SCLT1: variants seen among roughly 807,000 people sequenced by gnomAD.
SCLT1 encodes sodium channel-associated protein 1.
SCLT1 carries 78 observed loss-of-function variants against 112.8 expected under a neutral mutation model. The observed-to-expected ratio is 0.69, with a 90% CI of 0.58 to 0.83. The LOEUF is 0.83. Among genes scored for constraint, SCLT1 ranks in the 40% least tolerant of loss-of-function variants. The probability of loss-of-function intolerance (pLI) is 0.00; values close to 1 mark genes in which losing one functional copy is unlikely to be tolerated. For synonymous variants in SCLT1, 257 were observed against 254.7 expected, an observed-to-expected ratio of 1.01 and a Z score of -0.09; for missense variants, 747 against 770.4, an observed-to-expected ratio of 0.97 and a Z score of 0.36.
intron 9 of SCLT1, among the ~76,000 whole-genome samples, chr4:128,984,208 T>C (rs904930766): frequency 6.6e-6 from 1 of 152,208 alleles, no homozygotes; most frequent in Non-Finnish European, 1.5e-5. Context: ...ATGTCCACAC[T>C]AAATGAATCT....
intron 5 of SCLT1, among the ~76,000 whole-genome samples, chr4:129,034,403 G>A (rs1402354418): frequency 1.3e-5 from 2 of 151,182 alleles, no homozygotes; most frequent in Non-Finnish European, 3.0e-5. Flanking sequence ...ATTTAAATCT[G>A]TAACATATTT....
chr4:129,032,629 A>C (rs1746827287), intron 5 of SCLT1, among the ~76,000 whole-genome samples: 1 of 152,132 alleles, frequency 6.6e-6, no homozygotes, highest in Non-Finnish European at 1.5e-5. Context: ...CAAGGAACTT[A>C]AACAAATTTA....
At chr4:128,901,653 C>G (rs953028846) in intron 18 of SCLT1, among the ~76,000 whole-genome samples, 1 of 151,604 alleles carries the variant, frequency 6.6e-6, no homozygotes, top group African/African-American at 2.4e-5. Context: ...CACATGTACC[C>G]TAAAACTTAA....
At chr4:128,892,406 G>T (rs1050962634) in intron 18 of SCLT1, among the ~76,000 whole-genome samples, 3 of 152,094 alleles carry the variant, frequency 2.0e-5, no homozygotes, top group African/African-American at 7.2e-5. Context: ...GAATTAATTT[G>T]GATTTGGCTT....
At chr4:129,026,137 T>A (rs1158575613) in intron 5 of SCLT1, among the ~76,000 whole-genome samples, 1 of 152,080 alleles carries the variant, frequency 6.6e-6, no homozygotes, top group Non-Finnish European at 1.5e-5. Context: ...ATTAGACAGA[T>A]CAACGAGACA....
chr4:128,937,533 T>TAA (rs1737315759), intron 17 of SCLT1, among the ~76,000 whole-genome samples: 1 of 152,340 alleles, frequency 6.6e-6, no homozygotes, highest in South Asian at 2.1e-4. Context: ...GTATCTGAGT[T>TAA]AAGTATTTAC....
At chr4:129,026,596 C>A (rs1479818375) in intron 5 of SCLT1, among the ~76,000 whole-genome samples, 3 of 151,966 alleles carry the variant, frequency 2.0e-5, no homozygotes, top group Admixed American at 6.6e-5. Context: ...CAAGAGAAAG[C>A]AGGAAAGATC....
intron 11 of SCLT1, among the ~76,000 whole-genome samples, chr4:128,960,706 G>A (rs1313813803): frequency 1.3e-5 from 2 of 151,226 alleles, no homozygotes; most frequent in Non-Finnish European, 2.9e-5. Flanking sequence ...GGATCATGAG[G>A]TCAGGAGATC....
chr4:129,067,139 T>C (rs773307405), intron 2 of SCLT1, among the ~76,000 whole-genome samples: 21 of 152,004 alleles, frequency 1.4e-4, no homozygotes, highest in Middle Eastern at 3.6e-3. Context: ...AAATAAAGAA[T>C]AAGATATATA....
intron 18 of SCLT1, among the ~76,000 whole-genome samples, chr4:128,930,374 T>G (rs1055731244): frequency 1.3e-5 from 2 of 152,172 alleles, no homozygotes; most frequent in African/African-American, 4.8e-5. Flanking sequence ...CAGATGACAT[T>G]TTGATTGCTA....
chr4:129,067,945 G>A (rs898042514), intron 2 of SCLT1, among the ~76,000 whole-genome samples: 7 of 151,298 alleles, frequency 4.6e-5, no homozygotes, highest in Admixed American at 4.0e-4. Context: ...CCCAACACCC[G>A]AGCAGTATAC....
intron 5 of SCLT1, among the ~76,000 whole-genome samples, chr4:129,020,349 C>T (rs1173988532): frequency 1.5e-4 from 23 of 152,190 alleles, no homozygotes; most frequent in Admixed American, 1.5e-3. Flanking sequence ...GTAGCCTTTG[C>T]CCAGAGCCCA....
intron 2 of SCLT1, among the ~76,000 whole-genome samples, chr4:129,053,296 G>T (rs577316120): frequency 6.6e-6 from 1 of 152,046 alleles, no homozygotes. Context: ...TTAATTTTCT[G>T]TCTTATCGAT....
intron 18 of SCLT1, among the ~76,000 whole-genome samples, chr4:128,900,336 C>T (rs187542176): frequency 2.0e-5 from 3 of 152,128 alleles, no homozygotes; most frequent in African/African-American, 4.8e-5. Flanking sequence ...GAGATACAGA[C>T]CAATGGAACA....
Position 128,946,004 on chromosome 4 carries a change from T to C in SCLT1, c.1439+3A>G. ...TCATAGAAAATCCAAAAGAAAAACT[T>C]ACTCAGTTTCAAGTTGTTTTATTCT... On this transcript the variant is annotated splice_donor_region_variant and intron_variant, in intron 16 of 20. Coordinates refer to ENST00000281142, the MANE Select transcript of SCLT1 (RefSeq NM_144643.4). 1 of 1,591,566 alleles carries C rather than the reference T, an allele frequency of 6.3e-7. No individual in the cohort carries two copies. Among genetic ancestry groups the C allele is most frequent in the Non-Finnish European group, 8.6e-7 (1 of 1,166,472 alleles).
chr4:129,049,921 G>A (rs1335700600), intron 2 of SCLT1, among the ~76,000 whole-genome samples: 1 of 152,102 alleles, frequency 6.6e-6, no homozygotes, highest in Non-Finnish European at 1.5e-5. Flanking sequence ...CCTGGTGTGT[G>A]ATGTTCCCCT....
chr4:129,026,478 A>G (rs536375446), intron 5 of SCLT1, among the ~76,000 whole-genome samples: 142 of 152,268 alleles, frequency 9.3e-4, no homozygotes, highest in African/African-American at 3.3e-3. Context: ...TGAAGGCAGA[A>G]ATAAAGATGT....
At chr4:128,948,423 T>C in intron 15 of SCLT1, 73 bp downstream of exon 15, 2 of 1,531,894 alleles carry the variant, frequency 1.3e-6, no homozygotes, top group Non-Finnish European at 1.7e-6. Flanking sequence ...GTAGATGGCA[T>C]GATGGAGGCA....
intron 10 of SCLT1, among the ~76,000 whole-genome samples, chr4:128,967,591 AT>A (rs1740317626): frequency 6.6e-6 from 1 of 151,750 alleles, no homozygotes; most frequent in Non-Finnish European, 1.5e-5. Context: ...TTTGATTTGC[AT>A]TTTTCTAACT....
Sources: gnomAD v4.1 joint callset for allele counts (sites outside exome capture counted in the v4.1 genomes callset) on GRCh38, gnomAD v4.1.1 for gene constraint, MANE v1.5 for transcripts, NCBI Gene and HGNC (gene_info 2026-07-23, HGNC 2026-07-21) for gene names.